AKAP19: variants seen among roughly 807,000 people sequenced by gnomAD.
AKAP19 encodes A-kinase anchoring protein 19.
chr2:189,903,499 A>G, the AKAP19 span, among the ~76,000 whole-genome samples: 1 of 152,182 alleles, frequency 6.6e-6, no homozygotes, highest in East Asian at 1.9e-4. Context: ...TGTAGAATCA[A>G]TAATGAACAT....
At chr2:189,991,287 A>G in the AKAP19 span, among the ~76,000 whole-genome samples, 1 of 152,190 alleles carries the variant, frequency 6.6e-6, no homozygotes, top group African/African-American at 2.4e-5. Context: ...TTTTGATAGT[A>G]GTTGTGCTAG....
chr2:190,152,523 A>C, the AKAP19 span, among the ~76,000 whole-genome samples: 1 of 152,160 alleles, frequency 6.6e-6, no homozygotes, highest in Non-Finnish European at 1.5e-5. Context: ...CTACATTCTT[A>C]ATTATTGATG....
At chr2:190,079,123 C>G in the AKAP19 span, 1 of 152,078 alleles carries the variant, frequency 6.6e-6, no homozygotes, top group Non-Finnish European at 1.5e-5. Flanking sequence ...TATTTTACAC[C>G]CCTTTTGGGT....
chr2:190,174,394 T>C, the AKAP19 span, among the ~76,000 whole-genome samples: 1 of 152,358 alleles, frequency 6.6e-6, no homozygotes, highest in Non-Finnish European at 1.5e-5. Context: ...CTTGTCCATA[T>C]GAATACCCCT....
the AKAP19 span, among the ~76,000 whole-genome samples, chr2:189,922,944 G>A: frequency 6.3e-4 from 96 of 152,226 alleles, no homozygotes; most frequent in African/African-American, 2.2e-3. Flanking sequence ...GAGCTCAGGA[G>A]TTCAAGACCA....
At chr2:190,134,878 G>T in the AKAP19 span, among the ~76,000 whole-genome samples, 1 of 151,854 alleles carries the variant, frequency 6.6e-6, no homozygotes, top group African/African-American at 2.4e-5. Context: ...GTATCAGTGT[G>T]CATAAATATT....
At chr2:189,952,099 T>C in the AKAP19 span, among the ~76,000 whole-genome samples, 1 of 152,244 alleles carries the variant, frequency 6.6e-6, no homozygotes, top group Non-Finnish European at 1.5e-5. Context: ...TTGTCTTGTA[T>C]CCTCACAATT....
the AKAP19 span, among the ~76,000 whole-genome samples, chr2:190,086,480 G>GATGA: frequency 6.6e-6 from 1 of 152,130 alleles, no homozygotes; most frequent in Non-Finnish European, 1.5e-5. Flanking sequence ...AAGGAAGATG[G>GATGA]GGAAAGAGAA....
At chr2:190,095,639 A>G in the AKAP19 span, 1 of 152,240 alleles carries the variant, frequency 6.6e-6, no homozygotes, top group South Asian at 2.1e-4. Flanking sequence ...CAGCTACCCA[A>G]TCTATAGTAC....
the AKAP19 span, among the ~76,000 whole-genome samples, chr2:190,179,487 G>A: frequency 2.0e-4 from 31 of 152,262 alleles, no homozygotes; most frequent in African/African-American, 7.5e-4. The surrounding 1 kb of genome is among the most constrained non-coding windows in gnomAD (Gnocchi z 6.0). Flanking sequence ...TTGTCAGGAT[G>A]TACCAACTCC....
the AKAP19 span, chr2:190,199,558 C>A: frequency 3.4e-6 from 1 of 295,940 alleles, no homozygotes; most frequent in Non-Finnish European, 5.9e-6. Context: ...TTTTCTTCTA[C>A]TGATAAGATA....
At chr2:190,014,653 T>C in the AKAP19 span, among the ~76,000 whole-genome samples, 1 of 152,156 alleles carries the variant, frequency 6.6e-6, no homozygotes, top group South Asian at 2.1e-4. Flanking sequence ...TTTTTTTTTT[T>C]TGACACAGAG....
chr2:189,929,546 T>C, the AKAP19 span, among the ~76,000 whole-genome samples: 3 of 99,628 alleles, frequency 3.0e-5, no homozygotes, highest in South Asian at 4.2e-4. Context: ...ATAGAGTTGG[T>C]TTATTGACAC....
chr2:189,914,503 T>A, the AKAP19 span, among the ~76,000 whole-genome samples: 1 of 152,092 alleles, frequency 6.6e-6, no homozygotes, highest in African/African-American at 2.4e-5. Flanking sequence ...GTAAGCTAAA[T>A]AGGAAATTAT....
chr2:190,159,782 G>T, the AKAP19 span, among the ~76,000 whole-genome samples: 1 of 152,232 alleles, frequency 6.6e-6, no homozygotes. Flanking sequence ...GGAAGCCAAT[G>T]AAGAAAGTAT....
chr2:190,194,519 C>T, the AKAP19 span, among the ~76,000 whole-genome samples: 79 of 150,016 alleles, frequency 5.3e-4, no homozygotes, highest in African/African-American at 1.8e-3. Flanking sequence ...CACACACACA[C>T]GCAGCATCTC....
chr2:189,979,570 T>C, the AKAP19 span, among the ~76,000 whole-genome samples: 19 of 152,048 alleles, frequency 1.2e-4, no homozygotes, highest in Admixed American at 2.6e-4. Context: ...GAAACCAAAA[T>C]AGATACATGA....
chr2:189,990,402 G>A, the AKAP19 span, among the ~76,000 whole-genome samples: 2 of 152,040 alleles, frequency 1.3e-5, no homozygotes, highest in Admixed American at 6.6e-5. Context: ...GGTTTTTGTC[G>A]TTTATTCTAT....
At chr2:189,921,182 C>T in the AKAP19 span, among the ~76,000 whole-genome samples, 1 of 152,084 alleles carries the variant, frequency 6.6e-6, no homozygotes, top group African/African-American at 2.4e-5. Flanking sequence ...GTAACCACAC[C>T]ATACTTTCTG....
Sources: gnomAD v4.1 joint callset for allele counts (sites outside exome capture counted in the v4.1 genomes callset) on GRCh38, gnomAD v4.1.1 for gene constraint, Gnocchi (gnomAD v3.1) non-coding constraint, MANE v1.5 for transcripts, NCBI Gene and HGNC (gene_info 2026-07-23, HGNC 2026-07-21) for gene names.